CRHBP: variants seen among roughly 807,000 people sequenced by gnomAD.
CRHBP encodes corticotropin-releasing hormone-binding protein.
In CRHBP, 19 loss-of-function variants were observed where a neutral mutation model predicts 34.9. The ratio of observed to expected loss-of-function variants is 0.55; its 90% CI spans 0.38 to 0.80. The LOEUF (loss-of-function observed/expected upper bound fraction) is 0.80. Ranked by LOEUF, CRHBP falls within the 30% of genes least tolerant of loss-of-function variation. The probability of loss-of-function intolerance (pLI) is 0.00; values close to 1 mark genes in which losing one functional copy is unlikely to be tolerated. For synonymous variants in CRHBP, 154 were observed against 153.4 expected (o/e 1.00, Z -0.03); for missense variants, 328 against 409.2 (o/e 0.80, Z 1.71).
intron 5 of CRHBP, among the ~76,000 whole-genome samples, chr5:76,963,005 G>C (rs1745802645): frequency 6.6e-6 from 1 of 151,982 alleles, no homozygotes; most frequent in African/African-American, 2.4e-5. Context: ...CAAATGATTT[G>C]AAAAGTAAAG....
chr5:76,975,281 C>T (rs1380237110), intron 2 of CRHBP, among the ~76,000 whole-genome samples: 1 of 152,118 alleles, frequency 6.6e-6, no homozygotes, highest in Admixed American at 6.5e-5. Flanking sequence ...GAAATGCCCA[C>T]CCTTACAACC....
chr5:76,955,938 TAAAG>T, intron 4 of CRHBP, 75 bp downstream of exon 4: 4 of 1,317,954 alleles, frequency 3.0e-6, no homozygotes, highest in Non-Finnish European at 4.2e-6. Flanking sequence ...TGCACAGACT[TAAAG>T]AAATTTGAAC....
downstream of CRHBP, among the ~76,000 whole-genome samples, chr5:76,973,236 T>C (rs565444042): frequency 1.3e-5 from 2 of 152,310 alleles, no homozygotes; most frequent in Admixed American, 1.3e-4. Context: ...GTTGCAACTA[T>C]CCAGACAGGC....
At chr5:76,965,014 TA>T (rs552829744) in intron 6 of CRHBP, among the ~76,000 whole-genome samples, 18 of 145,070 alleles carry the variant, frequency 1.2e-4, no homozygotes, top group South Asian at 8.8e-4. Context: ...AAGAATCAGG[TA>T]AAAAAAAAAC....
chr5:76,974,299 G>A (rs373057406), downstream of CRHBP, among the ~76,000 whole-genome samples: 9 of 152,146 alleles, frequency 5.9e-5, no homozygotes, highest in East Asian at 1.6e-3. Flanking sequence ...TTACAGGCGT[G>A]AGCCACGGTG....
chr5:76,974,891 A>T lies in CRHBP; in HGVS notation n.312-1474A>T, dbSNP rs561437370. Among the ~76,000 whole-genome samples the T allele has an allele frequency of 2.6e-5, 4 of 152,358 alleles. No individual in the cohort carries two copies. The South Asian group carries it at 8.3e-4, about 32-fold the overall frequency. Reference sequence around the variant, plus strand: ...GATTAGAGGATTTGAAAACATAATGAAATAGAGGTCTCTAAATTGGATTCT... The same window carrying T: ...GATTAGAGGATTTGAAAACATAATGTAATAGAGGTCTCTAAATTGGATTCT... On this transcript the variant is annotated intron_variant and non_coding_transcript_variant, in intron 2 of 3. Coordinates refer to the CRHBP transcript ENST00000514258.
At position 76,968,055 on chromosome 5, in the gene CRHBP, C is replaced by T. The variant is rs543861864; in HGVS notation, c.812-673C>T. 6.6e-5 allele frequency among the ~76,000 whole-genome samples: 10 copies of T among 152,036 alleles called. No individual in the cohort carries two copies. The South Asian group carries it at 1.7e-3, about 25-fold the overall frequency. ...CAGAAGCCATTTCATATAAATAGTA[C>T]AGAAAAAATCAGAGAAAAGTTGTAA... On this transcript the variant is annotated intron_variant, in intron 6 of 6. Transcript: ENST00000274368.
chr5:76,976,637 G>C (rs182595694), intron 3 of CRHBP: 1 of 152,268 alleles, frequency 6.6e-6, no homozygotes, highest in African/African-American at 2.4e-5. Context: ...TAATGCGATG[G>C]CTTGCATGAA....
chr5:76,962,514 C>T (rs1202896683), intron 5 of CRHBP, among the ~76,000 whole-genome samples: 1 of 151,572 alleles, frequency 6.6e-6, no homozygotes, highest in African/African-American at 2.4e-5. Flanking sequence ...TGAGGTGGCT[C>T]ACACCTGTAA....
At position 76,954,151 on chromosome 5, in the gene CRHBP, G is replaced by T; in HGVS notation, c.298G>T (p.Val100Phe). Residue 100 changes from valine to phenylalanine, a missense_variant, in exon 3 of 7, where the codon GTC becomes TTC. By Grantham distance (50) the Val-to-Phe change is conservative. This residue lies in a region of CRHBP where 173 missense variants were observed against 172.2 expected (regional missense o/e 1.00). Transcript: ENST00000274368. ...GTTCATTACCATCCACTACGACCAG[G>T]TCTCCATCGACTGTCAGGGCGGCGA... Reference protein sequence around the residue: ...EEFITIHYDQVSIDCQGGDFL... With the variant: ...EEFITIHYDQFSIDCQGGDFL... 1 of 1,613,868 alleles carries T rather than the reference G, an allele frequency of 6.2e-7. No individual in the cohort carries two copies. The highest frequency in any genetic ancestry group is 8.5e-7 in the Non-Finnish European group (1 of 1,179,878).
At chr5:76,963,531 T>C in intron 6 of CRHBP, 71 bp downstream of exon 6, 4 of 1,333,302 alleles carry the variant, frequency 3.0e-6, no homozygotes, top group Non-Finnish European at 4.2e-6. Context: ...CCCCTAATAT[T>C]TTCTACATTG....
intron 3 of CRHBP, 43 bp from the exon 4 acceptor site, chr5:76,955,610 G>A: frequency 1.3e-6 from 2 of 1,582,996 alleles, no homozygotes; most frequent in Non-Finnish European, 8.7e-7. Flanking sequence ...GACTTCAGGA[G>A]TTGATGGAAA....
chr5:76,953,782 G>C (rs1475335428), intron 2 of CRHBP, 88 bp downstream of exon 2: 3 of 1,394,056 alleles, frequency 2.2e-6, no homozygotes, highest in African/African-American at 1.4e-5. Context: ...CGGACATCTC[G>C]GGGAAGGGGC....
At position 76,953,051 on chromosome 5, in the gene CRHBP, T is replaced by C; in HGVS notation, c.-84T>C. ...CCAGCAAAGGGACCCTACCAGCTTC[T>C]AGCTCTCAGTCTGCGCGAGGGTGTA... On this transcript the variant is annotated 5_prime_UTR_variant, in exon 1 of 7. Coordinates refer to ENST00000274368, the MANE Select transcript of CRHBP (RefSeq NM_001882.4). 2 of 1,398,312 alleles carry C rather than the reference T, an allele frequency of 1.4e-6. No individual in the cohort carries two copies. Among genetic ancestry groups the C allele is most frequent in the South Asian group, 1.2e-5 (1 of 85,352 alleles). 86.6% of individuals were successfully genotyped at this position (1,398,312 alleles called of 1,614,324 possible).
intron 3 of CRHBP, 56 bp downstream of exon 3, chr5:76,954,242 A>G: frequency 6.3e-7 from 1 of 1,581,884 alleles, no homozygotes. Context: ...AGGGTTGGAA[A>G]GGGCTGGGGC....
Position 76,953,174 on chromosome 5 carries a change from A to G in CRHBP, c.40A>G (p.Ile14Val), listed in dbSNP as rs1580088679. Residue 14 changes from isoleucine to valine, a missense_variant, in exon 1 of 7, where the codon ATC (isoleucine) becomes GTC (valine). Ile to Val is a conservative substitution (Grantham distance 29, BLOSUM62 3). This residue lies in a region of CRHBP where 11 missense variants were observed against 20.3 expected (regional missense o/e 0.54). Transcript: ENST00000274368. ...NFKLQCHFIL[I>V]FLTALRGESR... ...CAAACTTCAGTGTCACTTCATTCTCATCTTCCTGACGGCTCTAAGAGGGGA... is the reference window on the plus strand; with the variant it reads ...CAAACTTCAGTGTCACTTCATTCTCGTCTTCCTGACGGCTCTAAGAGGGGA... 6.2e-7 allele frequency: 1 copy of G among 1,611,534 alleles called. No individual in the cohort carries two copies. Among genetic ancestry groups the G allele is most frequent in the African/African-American group, 1.3e-5 (1 of 74,940 alleles).
Position 76,954,054 on chromosome 5 carries a change from G to A in CRHBP, c.201G>A (p.Gln67=), listed in dbSNP as rs1191324276. The stretch of plus-strand genomic sequence containing the variant: ...GGTGCCTGGACATGCTGAGCCTCCA[G>A]GGCCAGTTCACCTTCACCGCCGACC... ...ALRCLDMLSL[Q]GQFTFTADRP... is the part of the protein sequence containing the mutation. Residue 67 remains glutamine, a synonymous_variant, in exon 3 of 7, where the codon CAG becomes CAA. Coordinates refer to ENST00000274368, the MANE Select transcript of CRHBP (RefSeq NM_001882.4). The A allele has an allele frequency of 6.2e-7, 1 of 1,613,754 alleles. No individual in the cohort carries two copies. The highest frequency in any genetic ancestry group is 1.7e-5 in the Admixed American group (1 of 60,002).
intron 2 of CRHBP, 23 bp downstream of exon 2, chr5:76,953,717 G>A (rs374642310): frequency 6.3e-7 from 1 of 1,585,078 alleles, no homozygotes; most frequent in Non-Finnish European, 8.6e-7. Flanking sequence ...TGCCCGGCTC[G>A]CGGGCGCCCG....
chr5:76,960,798 T>A (rs1240512301), intron 5 of CRHBP, among the ~76,000 whole-genome samples: 2 of 151,880 alleles, frequency 1.3e-5, no homozygotes, highest in East Asian at 3.9e-4. Context: ...GGAGTCTCGC[T>A]CTGTCGCCCA....
Sources: allele counts gnomAD v4.1 joint callset (sites outside exome capture counted in the v4.1 genomes callset), GRCh38; gene constraint gnomAD v4.1.1; regional missense constraint gnomAD v4.1.1; transcripts MANE v1.5; gene names NCBI Gene and HGNC (gene_info 2026-07-23, HGNC 2026-07-21).